The following GRID2 variants were observed in gnomAD, a reference collection of about 807,000 sequenced individuals.
GRID2 encodes glutamate ionotropic receptor delta type subunit 2.
A neutral mutation model predicts 114.8 loss-of-function variants in GRID2; 33 were observed. That is an observed-to-expected ratio of 0.29 (90% confidence interval 0.22 to 0.38). The LOEUF (loss-of-function observed/expected upper bound fraction) is 0.38. GRID2 is among the 10% of genes least tolerant of loss of function. The pLI is 1.00. For missense variants in GRID2, 1,184 were observed against 1,257.7 expected (o/e 0.94, Z 0.89); for synonymous variants, 505 against 449.9 (o/e 1.12, Z -1.55).
At chr4:93,217,111 C>A in intron 6 of GRID2, 200 bp downstream of exon 6, 1 of 400,572 alleles carries the variant, frequency 2.5e-6, no homozygotes, top group South Asian at 7.0e-5. Context: ...AGAAAAATTT[C>A]TACTTGCTTA....
chr4:92,849,686 T>G (rs1743613952), intron 2 of GRID2, among the ~76,000 whole-genome samples: 1 of 151,852 alleles, frequency 6.6e-6, no homozygotes, highest in Non-Finnish European at 1.5e-5. Flanking sequence ...TAAAAATCAC[T>G]TATATTTACT....
intron 8 of GRID2, among the ~76,000 whole-genome samples, chr4:93,296,041 G>A (rs1292358907): frequency 1.3e-5 from 2 of 151,706 alleles, no homozygotes; most frequent in Non-Finnish European, 2.9e-5. Context: ...TAGCAGATAT[G>A]TATGCTTTCA....
At chr4:92,806,983 G>C (rs983499957) in intron 2 of GRID2, among the ~76,000 whole-genome samples, 1 of 152,026 alleles carries the variant, frequency 6.6e-6, no homozygotes, top group African/African-American at 2.4e-5. Context: ...GGATAGAATA[G>C]GGAATTTAAA....
chr4:92,565,483 A>G (rs1380005260), intron 1 of GRID2, among the ~76,000 whole-genome samples: 1 of 152,024 alleles, frequency 6.6e-6, no homozygotes. Context: ...ATCTTTCACA[A>G]TTGCTGGTTT....
At chr4:93,021,471 T>A (rs1375641832) in intron 2 of GRID2, among the ~76,000 whole-genome samples, 1 of 148,778 alleles carries the variant, frequency 6.7e-6, no homozygotes, top group African/African-American at 2.4e-5. Flanking sequence ...GGACTCAGAT[T>A]TACTTTTGAA....
At chr4:93,656,155 T>A (rs1448629863) in intron 14 of GRID2, among the ~76,000 whole-genome samples, 1 of 151,880 alleles carries the variant, frequency 6.6e-6, no homozygotes, top group African/African-American at 2.4e-5. Context: ...TAATTGATTC[T>A]AGGAGTCAAT....
At chr4:93,007,354 C>A (rs1234308566) in intron 2 of GRID2, among the ~76,000 whole-genome samples, 1 of 151,672 alleles carries the variant, frequency 6.6e-6, no homozygotes, top group Non-Finnish European at 1.5e-5. Flanking sequence ...TAAAAAAAAA[C>A]CTCTGGACTT....
At chr4:92,703,039 A>G (rs1734759003) in intron 2 of GRID2, among the ~76,000 whole-genome samples, 3 of 152,160 alleles carry the variant, frequency 2.0e-5, no homozygotes, top group African/African-American at 7.2e-5. Context: ...TTGAATTGCC[A>G]TGGCTGTGCA....
chr4:92,822,377 T>C, intron 2 of GRID2: 2 of 610,540 alleles, frequency 3.3e-6, no homozygotes, highest in Admixed American at 1.9e-5. Context: ...GTGGTTCATC[T>C]TCAGCTTGCA....
At chr4:93,312,387 A>G (rs1042124636) in intron 8 of GRID2, among the ~76,000 whole-genome samples, 1 of 152,206 alleles carries the variant, frequency 6.6e-6, no homozygotes, top group Non-Finnish European at 1.5e-5. Flanking sequence ...TCTCTGTACT[A>G]AATTTCCTCC....
chr4:92,512,574 C>G (rs1724306669), intron 1 of GRID2, among the ~76,000 whole-genome samples: 1 of 151,780 alleles, frequency 6.6e-6, no homozygotes. Flanking sequence ...TTTATAAATG[C>G]TTTAACTAAA....
chr4:93,517,588 T>C (rs1729861442), intron 13 of GRID2, among the ~76,000 whole-genome samples: 1 of 152,040 alleles, frequency 6.6e-6, no homozygotes, highest in Non-Finnish European at 1.5e-5. Flanking sequence ...TAATACGATG[T>C]ATTTTGGTTC....
intron 13 of GRID2, among the ~76,000 whole-genome samples, chr4:93,582,414 A>G (rs558407032): frequency 8.5e-5 from 13 of 152,222 alleles, no homozygotes; most frequent in South Asian, 4.1e-4. Context: ...TTTGTCATCT[A>G]TGGTATCATA....
At chr4:92,390,131 A>G (rs1730170189) in intron 1 of GRID2, among the ~76,000 whole-genome samples, 1 of 152,122 alleles carries the variant, frequency 6.6e-6, no homozygotes. Flanking sequence ...ATGACTGTTT[A>G]GCTAGATTCT....
intron 8 of GRID2, among the ~76,000 whole-genome samples, chr4:93,286,836 C>T (rs1753223561): frequency 6.6e-6 from 1 of 151,904 alleles, no homozygotes; most frequent in Admixed American, 6.6e-5. Flanking sequence ...AATTATTTTC[C>T]AAATTATATT....
intron 2 of GRID2, among the ~76,000 whole-genome samples, chr4:92,722,899 G>T (rs562085171): frequency 1.4e-4 from 21 of 148,674 alleles, no homozygotes; most frequent in Middle Eastern, 3.5e-3. Flanking sequence ...AATAGAAAAG[G>T]ATCTCAAACT....
At chr4:93,771,335 C>T (rs553905634) in intron 15 of GRID2, among the ~76,000 whole-genome samples, 72 of 152,208 alleles carry the variant, frequency 4.7e-4, no homozygotes, top group African/African-American at 1.5e-3. Context: ...TAGCTTAAAA[C>T]GTCTTTGGTT....
At chr4:93,365,890 A>G (rs1762290408) in intron 8 of GRID2, among the ~76,000 whole-genome samples, 2 of 152,104 alleles carry the variant, frequency 1.3e-5, no homozygotes, top group African/African-American at 4.8e-5. Flanking sequence ...ATACTTTTAT[A>G]ATTTCTTATG....
intron 8 of GRID2, among the ~76,000 whole-genome samples, chr4:93,342,252 T>G (rs1445599785): frequency 6.6e-6 from 1 of 152,114 alleles, no homozygotes; most frequent in Non-Finnish European, 1.5e-5. Flanking sequence ...CTTAGCCCTT[T>G]GCACTAGCTA....
Sources: allele counts gnomAD v4.1 joint callset (sites outside exome capture counted in the v4.1 genomes callset), GRCh38; gene constraint gnomAD v4.1.1; transcripts MANE v1.5; gene names NCBI Gene and HGNC (gene_info 2026-07-23, HGNC 2026-07-21).